Variants in RTN1 observed in about 807,000 individuals in gnomAD.
RTN1 encodes the protein reticulon-1.
RTN1 carries 25 observed loss-of-function variants against 65.5 expected under a neutral mutation model. The ratio of observed to expected loss-of-function variants is 0.38; its 90% CI spans 0.28 to 0.53. The LOEUF (loss-of-function observed/expected upper bound fraction) is 0.53. RTN1 is among the 20% of genes least tolerant of loss of function. The pLI is 0.79. For synonymous variants in RTN1, 471 were observed against 447.6 expected, an observed-to-expected ratio of 1.05 and a Z score of -0.66; for missense variants, 983 against 1,025.4, an observed-to-expected ratio of 0.96 and a Z score of 0.57.
At chr14:59,653,401 G>C (rs1883058881) in intron 3 of RTN1, among the ~76,000 whole-genome samples, 1 of 151,886 alleles carries the variant, frequency 6.6e-6, no homozygotes, top group Non-Finnish European at 1.5e-5. Context: ...AAATTCTAAA[G>C]AAAATCTTTC....
chr14:59,670,470 T>C (rs1231394190), intron 3 of RTN1, among the ~76,000 whole-genome samples: 3 of 152,234 alleles, frequency 2.0e-5, no homozygotes, highest in East Asian at 1.9e-4. Flanking sequence ...AGAGCTCTGC[T>C]CCAAATATAT....
chr14:59,857,060 C>A (rs1271962116), intron 1 of RTN1, among the ~76,000 whole-genome samples: 3 of 152,138 alleles, frequency 2.0e-5, no homozygotes, highest in African/African-American at 7.2e-5. Flanking sequence ...TTCTGTACCA[C>A]GTCATCTTGG....
At chr14:59,632,951 T>A (rs7154405) in intron 3 of RTN1, among the ~76,000 whole-genome samples, 2,734 of 151,520 alleles carry the variant, frequency 0.018, 76 homozygotes, top group African/African-American at 0.062. Context: ...AAAAAAAAAA[T>A]TTTTTCCGGG....
At position 59,803,704 on chromosome 14, in the gene RTN1, A is replaced by G. The variant is rs2139603894; in HGVS notation, c.242-57223T>C. On this transcript the variant is annotated intron_variant, in intron 1 of 8. Transcript: ENST00000267484. This position sits in a 1 kb window ranked among gnomAD's most constrained non-coding sequence, Gnocchi z 5.6. Reference sequence around the variant, plus strand: ...TTACACTTTGCTTTTCATTCTAAACAGCACTTTCCTTTCCTGAGCTGCGCT... The same window carrying G: ...TTACACTTTGCTTTTCATTCTAAACGGCACTTTCCTTTCCTGAGCTGCGCT... Among the ~76,000 whole-genome samples the G allele has an allele frequency of 6.6e-6, 1 of 152,326 alleles. No homozygotes were observed. Among genetic ancestry groups the G allele is most frequent in the South Asian group, 2.1e-4 (1 of 4,828 alleles).
chr14:59,765,078 A>C (rs995732264), intron 1 of RTN1, among the ~76,000 whole-genome samples: 2 of 152,194 alleles, frequency 1.3e-5, no homozygotes, highest in Admixed American at 1.3e-4. Flanking sequence ...CAGTATTTTA[A>C]AATTGCCTCG....
chr14:59,764,803 G>A (rs995334925), intron 1 of RTN1, among the ~76,000 whole-genome samples: 2 of 152,100 alleles, frequency 1.3e-5, no homozygotes, highest in Non-Finnish European at 2.9e-5. Context: ...TTCATAATTT[G>A]CTTTCTACCC....
Position 59,749,248 on chromosome 14 carries a change from C to CTA in RTN1, c.242-2769_242-2768dup, listed in dbSNP as rs1228908668. On this transcript the variant is annotated intron_variant, in intron 1 of 8. Transcript: ENST00000267484. ...TATATCTATATATATCTATATATAT[C>CTA]TATATATCTATATATATCTATATAT... 1.0e-3 allele frequency among the ~76,000 whole-genome samples: 33 copies of CTA among 32,060 alleles called. 1 individual carries two copies. Among genetic ancestry groups the CTA allele is most frequent in the African/African-American group, 5.3e-3 (25 of 4,680 alleles). The allele number at this position is 32,060 out of a possible 152,430, so 21.0% of individuals were successfully genotyped here.
At chr14:59,709,337 A>C (rs1156893543) in intron 3 of RTN1, among the ~76,000 whole-genome samples, 1 of 152,228 alleles carries the variant, frequency 6.6e-6, no homozygotes, top group Non-Finnish European at 1.5e-5. Context: ...TAATCTATTT[A>C]AAATGTCTCA....
intron 3 of RTN1, among the ~76,000 whole-genome samples, chr14:59,627,924 G>A (rs1882442835): frequency 6.6e-6 from 1 of 151,998 alleles, no homozygotes; most frequent in Non-Finnish European, 1.5e-5. Flanking sequence ...ATCATCAACA[G>A]TGTTGCACTG....
chr14:59,661,288 C>A (rs1883240887), intron 3 of RTN1, among the ~76,000 whole-genome samples: 1 of 140,352 alleles, frequency 7.1e-6, no homozygotes, highest in Non-Finnish European at 1.5e-5. Flanking sequence ...AAGCCCAGGA[C>A]CATAAGGATT....
intron 1 of RTN1, among the ~76,000 whole-genome samples, chr14:59,772,121 T>C (rs984007728): frequency 1.3e-5 from 2 of 152,184 alleles, no homozygotes; most frequent in African/African-American, 4.8e-5. Flanking sequence ...TGCTACTGAC[T>C]GAAAAATAAA....
At chr14:59,788,943 A>G (rs1194420488) in intron 1 of RTN1, among the ~76,000 whole-genome samples, 2 of 152,120 alleles carry the variant, frequency 1.3e-5, no homozygotes, top group Non-Finnish European at 2.9e-5. Context: ...TAATTTTCCT[A>G]TTCAAGAATA....
intron 1 of RTN1, among the ~76,000 whole-genome samples, chr14:59,808,530 ACT>A (rs967366573): frequency 1.3e-5 from 2 of 152,284 alleles, no homozygotes; most frequent in Admixed American, 1.3e-4. Flanking sequence ...ACCAAGATGA[ACT>A]CACTTTTGTC....
intron 1 of RTN1, among the ~76,000 whole-genome samples, chr14:59,777,037 T>C (rs187636618): frequency 7.0e-4 from 107 of 152,176 alleles, no homozygotes; most frequent in African/African-American, 2.3e-3. Context: ...CATTACGGAG[T>C]GACATGTCCC....
rs752724559 is a variant in RTN1 at position 59,603,075 on chromosome 14, C to G, written c.2278G>C (p.Val760Leu). The G allele has an allele frequency of 6.2e-7, 1 of 1,613,288 alleles. No homozygotes were observed. Residue 760 changes from valine to leucine, a missense_variant, in exon 8 of 9, where the codon GTT (valine) becomes CTT (leucine). Transcript: ENST00000267484. Reference protein sequence around the residue: ...LGLVRTHINAVVAKIQAKIPG... With the variant: ...LGLVRTHINALVAKIQAKIPG... ...CACTATGTGACTTACTTTGCCACAACAGCATTTATGTGAGTCCTCACAAGT... is the reference window on the plus strand; with the variant it reads ...CACTATGTGACTTACTTTGCCACAAGAGCATTTATGTGAGTCCTCACAAGT...
At chr14:59,617,143 C>T (rs1882124262) in intron 3 of RTN1, among the ~76,000 whole-genome samples, 1 of 152,224 alleles carries the variant, frequency 6.6e-6, no homozygotes, top group South Asian at 2.1e-4. Context: ...AAATGGCACG[C>T]TTCCTTTAAA....
rs1483959549 is a variant in RTN1 at position 59,630,259 on chromosome 14, GA to G, written c.1766-22768del. Among the ~76,000 whole-genome samples, 3 of 150,664 alleles carry G rather than the reference GA, an allele frequency of 2.0e-5. No homozygotes were observed. In the South Asian group the frequency reaches 6.4e-4, roughly 32 times the overall value. ...GTGGGGGTGGGGTTAAAAAAAAAAA[GA>G]AAAAAACAACAACCAAGCACCATCC... On this transcript the variant is annotated intron_variant, in intron 3 of 8. Transcript: ENST00000267484.
chr14:59,719,005 T>C (rs1376664956), intron 3 of RTN1, among the ~76,000 whole-genome samples: 1 of 152,204 alleles, frequency 6.6e-6, no homozygotes, highest in African/African-American at 2.4e-5. Flanking sequence ...CTGCAAGAGC[T>C]TCCTAATTTG....
chr14:59,740,416 C>T (rs1422945132), intron 2 of RTN1, among the ~76,000 whole-genome samples: 1 of 152,188 alleles, frequency 6.6e-6, no homozygotes, highest in African/African-American at 2.4e-5. Flanking sequence ...ACAGGACACT[C>T]AGTTACATTT....
Sources: allele counts gnomAD v4.1 joint callset (sites outside exome capture counted in the v4.1 genomes callset), GRCh38; gene constraint gnomAD v4.1.1; non-coding constraint Gnocchi (gnomAD v3.1); transcripts MANE v1.5; gene names NCBI Gene and HGNC (gene_info 2026-07-23, HGNC 2026-07-21).